The following SCN8A variants were observed in gnomAD, a reference collection of about 807,000 sequenced individuals.
SCN8A encodes sodium voltage-gated channel alpha subunit 8.
In SCN8A, 30 loss-of-function variants were observed where a neutral mutation model predicts 184.1. That is an observed-to-expected ratio of 0.16 (90% CI 0.12 to 0.22). The LOEUF (loss-of-function observed/expected upper bound fraction) is 0.22. Among genes scored for constraint, SCN8A ranks in the 10% least tolerant of loss-of-function variants. The pLI, the probability that SCN8A is intolerant of heterozygous loss-of-function variation, is 1.00. For missense variants in SCN8A, 1,057 were observed against 2,498.9 expected, an observed-to-expected ratio of 0.42 and a Z score of 12.30; for synonymous variants, 852 against 907.0, an observed-to-expected ratio of 0.94 and a Z score of 1.09.
intron 20 of SCN8A, among the ~76,000 whole-genome samples, chr12:51,779,694 A>G (rs1424710413): frequency 5.9e-5 from 9 of 152,338 alleles, no homozygotes; most frequent in African/African-American, 2.2e-4. Context: ...TTCCTCATCT[A>G]TCAAATTTTG....
intron 2 of SCN8A, among the ~76,000 whole-genome samples, chr12:51,676,536 T>C (rs1226721484): frequency 2.0e-5 from 3 of 152,206 alleles, no homozygotes; most frequent in East Asian, 1.9e-4. Context: ...GCCAAATTGC[T>C]GTTGATTAAT....
intron 22 of SCN8A, among the ~76,000 whole-genome samples, 172 bp downstream of exon 22, chr12:51,786,998 A>G (rs1372765446): frequency 6.6e-6 from 1 of 152,202 alleles, no homozygotes; most frequent in Non-Finnish European, 1.5e-5. Context: ...TTTCCTGAGT[A>G]TTCTCTGACT....
chr12:51,604,913 T>G (rs1488615807), intron 1 of SCN8A, among the ~76,000 whole-genome samples: 5 of 152,128 alleles, frequency 3.3e-5, no homozygotes, highest in African/African-American at 4.8e-5. Context: ...TACATATCAC[T>G]GGGGTTTAGC....
intron 21 of SCN8A, among the ~76,000 whole-genome samples, chr12:51,781,260 A>G (rs775613555): frequency 1.2e-4 from 19 of 152,060 alleles, no homozygotes; most frequent in Non-Finnish European, 2.5e-4. Flanking sequence ...GGAATTGGGG[A>G]TGGAGCAGAA....
intron 1 of SCN8A, among the ~76,000 whole-genome samples, chr12:51,616,732 A>G (rs1233859873): frequency 1.3e-5 from 2 of 151,854 alleles, no homozygotes; most frequent in African/African-American, 2.4e-5. Flanking sequence ...CAGGCTGGGC[A>G]ACATAGGGAG....
In SCN8A at chr12:51,745,259, G is replaced by A. The variant is rs115251622; in HGVS notation, c.1999-644G>A. On this transcript the variant is annotated intron_variant, in intron 12 of 26. Coordinates refer to ENST00000627620, the MANE Select transcript of SCN8A (RefSeq NM_001330260.2). ...AACTCATAAAACTGTGAAAGGGCAA[G>A]ATAAACATAGGATACAATATATTTA... is the stretch of plus-strand genomic sequence containing the variant. Among the ~76,000 whole-genome samples the A allele has an allele frequency of 5.3e-3, 810 of 152,322 alleles. 6 individuals are homozygous for A. Among genetic ancestry groups the A allele is most frequent in the African/African-American group, 0.019 (778 of 41,568 alleles).
intron 2 of SCN8A, among the ~76,000 whole-genome samples, chr12:51,683,354 C>T (rs1409600059): frequency 6.6e-6 from 1 of 152,226 alleles, no homozygotes; most frequent in African/African-American, 2.4e-5. Context: ...TTATGAGAAC[C>T]TGTTCCGAGG....
intron 1 of SCN8A, among the ~76,000 whole-genome samples, chr12:51,630,903 CTGCCTTATA>C (rs1940182749): frequency 6.6e-6 from 1 of 152,136 alleles, no homozygotes; most frequent in African/African-American, 2.4e-5. Context: ...TGTTCTAATA[CTGCCTTATA>C]TGTTCAGATT....
chr12:51,592,963 ATTT>A (rs78801013), intron 1 of SCN8A, among the ~76,000 whole-genome samples: 3 of 152,014 alleles, frequency 2.0e-5, no homozygotes, highest in Admixed American at 2.0e-4. Context: ...CTCAAAAAAA[ATTT>A]TTTTTTTGAT....
chr12:51,621,465 G>T (rs537136856), intron 1 of SCN8A, among the ~76,000 whole-genome samples: 1 of 152,168 alleles, frequency 6.6e-6, no homozygotes, highest in African/African-American at 2.4e-5. Context: ...GCATCATATT[G>T]GTGACCCCTT....
intron 6 of SCN8A, 73 bp downstream of exon 6, chr12:51,689,169 C>T: frequency 8.9e-7 from 1 of 1,129,770 alleles, no homozygotes; most frequent in Non-Finnish European, 1.3e-6. Flanking sequence ...GTCCACCATT[C>T]TAAAGCAGCA....
Position 51,807,263 on chromosome 12 carries a change from A to G in SCN8A, c.5777A>G (p.Glu1926Gly). 6.2e-7 allele frequency: 1 copy of G among 1,613,998 alleles called. No individual in the cohort carries two copies. Among genetic ancestry groups the G allele is most frequent in the Non-Finnish European group, 8.5e-7 (1 of 1,179,886 alleles). The change falls in exon 27 of 27, where the codon GAG (glutamate) becomes GGG (glycine). Residue 1926 changes from glutamate (E) to glycine (G), a missense_variant. Transcript: ENST00000627620. This position sits in a 1 kb window ranked among gnomAD's most constrained non-coding sequence, Gnocchi z 4.5. Reference sequence around the variant, plus strand: ...AAAAAGACAACTTCTAATAAGCTGGAGAATGGAGGCACACACCGGGAGAAA... The same window carrying G: ...AAAAAGACAACTTCTAATAAGCTGGGGAATGGAGGCACACACCGGGAGAAA... ...ICKKTTSNKL[E>G]NGGTHREKKE... is the part of the protein sequence containing the mutation.
At chr12:51,644,983 TGAG>T (rs1940538311) in intron 1 of SCN8A, among the ~76,000 whole-genome samples, 2 of 150,140 alleles carry the variant, frequency 1.3e-5, no homozygotes, top group Admixed American at 6.6e-5. Flanking sequence ...GTCTGGGAAG[TGAG>T]GAGCATCTCC....
At chr12:51,763,974 C>A (rs908998231) in intron 15 of SCN8A, among the ~76,000 whole-genome samples, 4 of 152,164 alleles carry the variant, frequency 2.6e-5, no homozygotes, top group African/African-American at 7.2e-5. Flanking sequence ...ATTTTTGAAA[C>A]CTCTGTTTAC....
intron 1 of SCN8A, among the ~76,000 whole-genome samples, chr12:51,599,622 A>G (rs1939422838): frequency 1.3e-5 from 2 of 152,196 alleles, no homozygotes; most frequent in African/African-American, 4.8e-5. Context: ...ATGACAGATG[A>G]TCAAAGCTAT....
At chr12:51,669,489 T>A (rs1045842291) in intron 2 of SCN8A, among the ~76,000 whole-genome samples, 1 of 152,228 alleles carries the variant, frequency 6.6e-6, no homozygotes, top group Non-Finnish European at 1.5e-5. Context: ...ACCCACCTTC[T>A]TCTGGTCTCC....
At chr12:51,603,112 A>G (rs78251322) in intron 1 of SCN8A, among the ~76,000 whole-genome samples, 5,617 of 152,170 alleles carry the variant, frequency 0.037, 339 homozygotes, top group African/African-American at 0.13. Context: ...CCGTGCCACA[A>G]TCAGGATACA....
chr12:51,598,022 GA>G (rs753106547), intron 1 of SCN8A, among the ~76,000 whole-genome samples: 74 of 152,270 alleles, frequency 4.9e-4, no homozygotes, highest in Non-Finnish European at 8.4e-4. Flanking sequence ...AGAATACCCA[GA>G]AATCACATTT....
intron 11 of SCN8A, among the ~76,000 whole-genome samples, chr12:51,710,230 G>A (rs1482765500): frequency 2.0e-5 from 3 of 151,994 alleles, no homozygotes; most frequent in Non-Finnish European, 2.9e-5. Context: ...CCCTTAGTAC[G>A]GTTACAACCT....
Sources: gnomAD v4.1 joint callset for allele counts (sites outside exome capture counted in the v4.1 genomes callset) on GRCh38, gnomAD v4.1.1 for gene constraint, Gnocchi (gnomAD v3.1) non-coding constraint, MANE v1.5 for transcripts, NCBI Gene and HGNC (gene_info 2026-07-23, HGNC 2026-07-21) for gene names.